The following YAE1 variants were observed in gnomAD, a reference collection of about 807,000 sequenced individuals.
The protein encoded by YAE1 is YAE1 maturation factor of ABCE1.
A neutral mutation model predicts 23.0 loss-of-function variants in YAE1; 22 were observed. The observed-to-expected ratio is 0.96, with a 90% CI of 0.68 to 1.37. The LOEUF (loss-of-function observed/expected upper bound fraction) is 1.37, where lower values mean the gene tolerates loss of function less well. Among genes scored for constraint, YAE1 ranks in the 40% most tolerant of loss-of-function variants. The pLI, the probability that YAE1 is intolerant of heterozygous loss-of-function variation, is 0.00. For missense variants in YAE1, 260 were observed against 262.1 expected, an observed-to-expected ratio of 0.99 and a Z score of 0.06; for synonymous variants, 101 against 97.0, an observed-to-expected ratio of 1.04 and a Z score of -0.24.
intron 2 of YAE1, among the ~76,000 whole-genome samples, chr7:39,596,514 G>C (rs139437966): frequency 0.053 from 8,074 of 152,186 alleles, 293 homozygotes; most frequent in East Asian, 0.12. Flanking sequence ...TAGGATTACA[G>C]GCATGAGCCA....
At chr7:39,585,153 G>A (rs903347322) in intron 2 of YAE1, among the ~76,000 whole-genome samples, 4 of 152,182 alleles carry the variant, frequency 2.6e-5, no homozygotes, top group Non-Finnish European at 4.4e-5. Context: ...TATCAGGTAC[G>A]TCTGCCATAT....
In YAE1 at chr7:39,603,349, AG is replaced by A. The variant is rs373162154; in HGVS notation, c.252-6266del. ...AGAGACGGGTTTCACCGTGTTAGCCAGGATGGTCTCAATCTTCTGACCTCGT... is the reference window on the plus strand; with the variant it reads ...AGAGACGGGTTTCACCGTGTTAGCCAGATGGTCTCAATCTTCTGACCTCGT... On this transcript the variant is annotated intron_variant, in intron 2 of 2. Coordinates refer to the YAE1 transcript ENST00000432096. Among the ~76,000 whole-genome samples, 34 of 152,258 alleles carry A rather than the reference AG, an allele frequency of 2.2e-4. No homozygotes were observed. The East Asian group carries it at 6.0e-3, about 27-fold the overall frequency.
exon 3 of YAE1, chr7:39,609,620 C>T: frequency 6.5e-7 from 1 of 1,534,284 alleles, no homozygotes; most frequent in African/African-American, 1.4e-5. Context: ...AAAACAGGAA[C>T]TCAACGGATT....
intron 2 of YAE1, among the ~76,000 whole-genome samples, chr7:39,583,243 G>T (rs1408616743): frequency 6.6e-6 from 1 of 152,136 alleles, no homozygotes; most frequent in Non-Finnish European, 1.5e-5. Flanking sequence ...GTATACATGT[G>T]GACATATTAT....
Position 39,572,800 on chromosome 7 carries a change from C to G in YAE1, c.*94C>G. 2 of 1,472,734 alleles carry G rather than the reference C, an allele frequency of 1.4e-6. No individual in the cohort carries two copies. The highest frequency in any genetic ancestry group is 1.8e-6 in the Non-Finnish European group (2 of 1,117,606). The allele number at this position is 1,472,734 out of a possible 1,614,324, so 91.2% of individuals were successfully genotyped here. On this transcript the variant is annotated 3_prime_UTR_variant, in exon 3 of 3. Transcript: ENST00000223273. ...CTGGTTTCTGCATCAAACACCTCAA[C>G]TGTAGGGTTACCCTTTATGGAAGTT...
At chr7:39,589,717 A>G (rs922760122) in intron 2 of YAE1, among the ~76,000 whole-genome samples, 1 of 152,220 alleles carries the variant, frequency 6.6e-6, no homozygotes, top group Admixed American at 6.5e-5. Context: ...TTGCTTAAGT[A>G]TCTGACATCT....
At chr7:39,569,837 C>A (rs1451578419) in intron 1 of YAE1, 2 of 820,968 alleles carry the variant, frequency 2.4e-6, no homozygotes, top group Middle Eastern at 2.3e-4. Context: ...TTATGAAGTC[C>A]TTCTGAGTCC....
intron 2 of YAE1, among the ~76,000 whole-genome samples, chr7:39,604,390 A>G (rs1172987431): frequency 6.6e-6 from 1 of 152,234 alleles, no homozygotes; most frequent in Non-Finnish European, 1.5e-5. Context: ...TAGACCAATC[A>G]GGATTTACTT....
At chr7:39,570,727 T>G in intron 2 of YAE1, 100 bp downstream of exon 2, 1 of 1,418,046 alleles carries the variant, frequency 7.1e-7, no homozygotes, top group Non-Finnish European at 9.4e-7. Flanking sequence ...CTTTTCCTGG[T>G]GCTAAATACA....
At chr7:39,570,858 A>T (rs1790553917) in intron 2 of YAE1, 2 of 456,138 alleles carry the variant, frequency 4.4e-6, no homozygotes, top group African/African-American at 2.1e-5. Context: ...TGGTAAGAAG[A>T]TGTATACTTC....
At chr7:39,581,459 C>T (rs568877009) in intron 2 of YAE1, among the ~76,000 whole-genome samples, 1 of 152,138 alleles carries the variant, frequency 6.6e-6, no homozygotes, top group African/African-American at 2.4e-5. Flanking sequence ...AATAAAATAT[C>T]TTCTTTTTCT....
At chr7:39,608,743 C>G (rs1791164276) in intron 2 of YAE1, among the ~76,000 whole-genome samples, 1 of 152,128 alleles carries the variant, frequency 6.6e-6, no homozygotes, top group Non-Finnish European at 1.5e-5. Flanking sequence ...TGTATGAATT[C>G]TCAGTAACTA....
rs1583684225 is a variant in YAE1 at position 39,601,405 on chromosome 7, C to G, written c.252-8212C>G. On this transcript the variant is annotated intron_variant, in intron 2 of 2. Transcript: ENST00000432096. ...GGGCAGCTAACACAAGTAAACAAAG[C>G]TTCTGATTATGGCAGTATTTCCTTT... 2.0e-5 allele frequency among the ~76,000 whole-genome samples: 3 copies of G among 152,250 alleles called. No individual in the cohort carries two copies. The East Asian group carries it at 5.8e-4, about 29-fold the overall frequency.
At chr7:39,590,410 ATATGATCCC>A (rs1270074494) in intron 2 of YAE1, among the ~76,000 whole-genome samples, 1 of 152,202 alleles carries the variant, frequency 6.6e-6, no homozygotes, top group Non-Finnish European at 1.5e-5. Context: ...TAAAGTGGCA[ATATGATCCC>A]TATTTTACAG....
At chr7:39,570,436 TGTA>T in intron 1 of YAE1, 67 bp from the exon 2 acceptor site, 2 of 1,574,644 alleles carry the variant, frequency 1.3e-6, no homozygotes, top group Non-Finnish European at 1.7e-6. Flanking sequence ...AAATTGGTTC[TGTA>T]CTTTTCTAGA....
At chr7:39,609,851 C>T in exon 3 of YAE1, 1 of 1,533,474 alleles carries the variant, frequency 6.5e-7, no homozygotes, top group Non-Finnish European at 8.7e-7. Flanking sequence ...CGCCGAGCCA[C>T]CGCCGGCGTT....
At chr7:39,568,904 A>G (rs757495052) in intron 1 of YAE1, among the ~76,000 whole-genome samples, 3 of 152,218 alleles carry the variant, frequency 2.0e-5, no homozygotes, top group Non-Finnish European at 4.4e-5. Context: ...TATATCTCTA[A>G]AACCACGGAA....
intron 2 of YAE1, among the ~76,000 whole-genome samples, chr7:39,597,633 A>G (rs543695566): frequency 1.3e-4 from 20 of 152,348 alleles, no homozygotes; most frequent in African/African-American, 4.8e-4. Context: ...CACCAAGTCA[A>G]TGTAAAACCA....
At chr7:39,598,060 T>C (rs1791002299) in intron 2 of YAE1, among the ~76,000 whole-genome samples, 1 of 152,118 alleles carries the variant, frequency 6.6e-6, no homozygotes, top group Admixed American at 6.5e-5. Context: ...TCCTCCTTCC[T>C]TGGTGTCCTA....
Sources: allele counts gnomAD v4.1 joint callset (sites outside exome capture counted in the v4.1 genomes callset), GRCh38; gene constraint gnomAD v4.1.1; transcripts MANE v1.5; gene names NCBI Gene and HGNC (gene_info 2026-07-23, HGNC 2026-07-21).